The following ATP11A variants were observed in gnomAD, a reference collection of about 807,000 sequenced individuals.
ATP11A encodes the protein ATPase phospholipid transporting 11A, also known as phospholipid-transporting ATPase IH.
Under a neutral mutation model 154.4 loss-of-function variants are expected in ATP11A, and 81 were observed. That is an observed-to-expected ratio of 0.52 (90% CI 0.44 to 0.63). The LOEUF (loss-of-function observed/expected upper bound fraction) is 0.63. ATP11A is among the 30% of genes least tolerant of loss of function. The pLI is 0.00. For missense variants in ATP11A, 1,316 were observed against 1,474.3 expected (o/e 0.89, Z 1.76); for synonymous variants, 623 against 585.9 (o/e 1.06, Z -0.91).
intron 1 of ATP11A, among the ~76,000 whole-genome samples, chr13:112,766,242 T>G (rs1391797005): frequency 4.1e-5 from 6 of 145,300 alleles, no homozygotes; most frequent in African/African-American, 1.6e-4. Context: ...TTTTGTTGTT[T>G]TTCTGTTTTC....
intron 16 of ATP11A, among the ~76,000 whole-genome samples, chr13:112,841,000 C>A (rs112874752): frequency 0.01 from 1,554 of 152,378 alleles, 31 homozygotes; most frequent in African/African-American, 0.034. Context: ...GGGCATGGAG[C>A]TTCCTACGCG....
rs1566579890 is a variant in ATP11A, at chr13:112,857,847, G to A, written c.2448G>A (p.Glu816=). 1 of 1,614,142 alleles carries A rather than the reference G, an allele frequency of 6.2e-7. No homozygotes were observed. Among genetic ancestry groups the A allele is most frequent in the Non-Finnish European group, 8.5e-7 (1 of 1,180,004 alleles). ...TTAAATTAATCAAATTTTCAAAAGA[G>A]CACCCAATCACGTTAGCAATTGGCG... ...QIVKLIKFSK[E]HPITLAIGDG... is the part of the protein sequence containing the mutation. The change falls in exon 21 of 30, where the codon GAG becomes GAA. Residue 816 remains glutamate (E), a synonymous_variant. Coordinates refer to ENST00000375645, the MANE Select transcript of ATP11A (RefSeq NM_015205.3).
chr13:112,734,356 G>T (rs936922142), intron 1 of ATP11A, among the ~76,000 whole-genome samples: 1 of 152,186 alleles, frequency 6.6e-6, no homozygotes, highest in African/African-American at 2.4e-5. Flanking sequence ...AGAAACCGTT[G>T]CAAGCACAAT....
At chr13:112,725,717 C>G (rs1335841682) in intron 1 of ATP11A, among the ~76,000 whole-genome samples, 1 of 152,274 alleles carries the variant, frequency 6.6e-6, no homozygotes, top group Non-Finnish European at 1.5e-5. Flanking sequence ...GTCCCCATCC[C>G]TGGAGTTCCT....
At chr13:112,744,487 G>A (rs1336359013) in intron 1 of ATP11A, among the ~76,000 whole-genome samples, 1 of 152,214 alleles carries the variant, frequency 6.6e-6, no homozygotes, top group Non-Finnish European at 1.5e-5. Context: ...GACATGGGGA[G>A]CCTAATCTTC....
chr13:112,736,196 C>T (rs989058608), intron 1 of ATP11A, among the ~76,000 whole-genome samples: 29 of 152,202 alleles, frequency 1.9e-4, no homozygotes, highest in African/African-American at 6.8e-4. Flanking sequence ...GAACTTGACC[C>T]TATCACTTAG....
chr13:112,772,646 C>G (rs2077253384), intron 1 of ATP11A, among the ~76,000 whole-genome samples: 1 of 152,186 alleles, frequency 6.6e-6, no homozygotes. Context: ...CAGCTCCCCT[C>G]CCGTCATGCC....
At chr13:112,797,300 A>AG (rs2078025775) in intron 2 of ATP11A, among the ~76,000 whole-genome samples, 1 of 151,166 alleles carries the variant, frequency 6.6e-6, no homozygotes, top group Non-Finnish European at 1.5e-5. Context: ...AAAAAAAAAA[A>AG]AAAAAGGTAA....
intron 1 of ATP11A, among the ~76,000 whole-genome samples, chr13:112,769,217 A>G (rs1228212838): frequency 2.0e-5 from 3 of 151,798 alleles, no homozygotes; most frequent in African/African-American, 7.3e-5. Flanking sequence ...CACTACTCAC[A>G]CCCCTGAGCG....
intron 25 of ATP11A, among the ~76,000 whole-genome samples, chr13:112,870,999 G>C (rs983536861): frequency 6.6e-6 from 1 of 152,206 alleles, no homozygotes; most frequent in Non-Finnish European, 1.5e-5. Context: ...ACGGCCACCT[G>C]GGCACCACTG....
intron 12 of ATP11A, among the ~76,000 whole-genome samples, chr13:112,830,978 ATTG>A (rs1371218489): frequency 2.6e-5 from 4 of 151,408 alleles, no homozygotes; most frequent in African/African-American, 2.4e-5. Flanking sequence ...TTGGTTTTTT[ATTG>A]TTGTTGTTAA....
In ATP11A at chr13:112,697,690, C is replaced by T. The variant is rs1333329913; in HGVS notation, c.39+7235C>T. On this transcript the variant is annotated intron_variant, in intron 1 of 29. Transcript: ENST00000375645. The surrounding 1 kb of genome is among the most constrained non-coding windows in gnomAD (Gnocchi z 4.0). ...GCAAGCAGTTCTCTTGCCTCAGACT[C>T]CTGAGTAGCTGGGATTTGTGCCACG... Among the ~76,000 whole-genome samples, 1 of 151,332 alleles carries T rather than the reference C, an allele frequency of 6.6e-6. No homozygotes were observed. Among genetic ancestry groups the T allele is most frequent in the Non-Finnish European group, 1.5e-5 (1 of 67,978 alleles).
At chr13:112,716,454 G>A (rs1171237533) in intron 1 of ATP11A, among the ~76,000 whole-genome samples, 1 of 152,050 alleles carries the variant, frequency 6.6e-6, no homozygotes, top group Non-Finnish European at 1.5e-5. Flanking sequence ...GGTGGCTCTG[G>A]GGGCCTGTGG....
intron 1 of ATP11A, among the ~76,000 whole-genome samples, chr13:112,750,634 G>C (rs915728787): frequency 6.6e-6 from 1 of 152,020 alleles, no homozygotes; most frequent in African/African-American, 2.4e-5. Context: ...GCTGAAGGAC[G>C]CGGGGTTGAA....
intron 1 of ATP11A, among the ~76,000 whole-genome samples, chr13:112,777,858 C>T (rs1002354903): frequency 1.2e-4 from 18 of 152,194 alleles, no homozygotes; most frequent in Admixed American, 5.2e-4. Context: ...CCTCCCCATG[C>T]GCTCCCCACA....
intron 1 of ATP11A, among the ~76,000 whole-genome samples, chr13:112,695,283 G>A (rs557534148): frequency 6.6e-6 from 1 of 152,350 alleles, no homozygotes; most frequent in South Asian, 2.1e-4. Context: ...GTCTCCAGCA[G>A]TGTGGTGGCA....
At chr13:112,795,385 A>G (rs986399937) in intron 2 of ATP11A, among the ~76,000 whole-genome samples, 5 of 152,262 alleles carry the variant, frequency 3.3e-5, no homozygotes, top group Non-Finnish European at 7.3e-5. Flanking sequence ...CTCGTGTAAC[A>G]TGGGAACTTT....
At position 112,879,836 on chromosome 13, in the gene ATP11A, C is replaced by T. The variant is rs376427392; in HGVS notation, c.*9+1533C>T. 5.9e-5 allele frequency among the ~76,000 whole-genome samples: 9 copies of T among 152,304 alleles called. No individual in the cohort carries two copies. In the East Asian group the frequency reaches 1.3e-3, roughly 23 times the overall value. On this transcript the variant is annotated intron_variant, in intron 29 of 29. Coordinates refer to ENST00000375645, the MANE Select transcript of ATP11A (RefSeq NM_015205.3). ...ATGGCTTTCTTTTAACCTGTTCCTA[C>T]GGAAAAGAAAAGCATCACAGGCCTC...
Position 112,831,532 on chromosome 13 carries a change from C to G in ATP11A, c.1379C>G (p.Pro460Arg), listed in dbSNP as rs762661627. 21 of 1,614,006 alleles carry G rather than the reference C, an allele frequency of 1.3e-5. No individual in the cohort carries two copies. Among genetic ancestry groups the G allele is most frequent in the Middle Eastern group, 1.6e-4 (1 of 6,084 alleles). Residue 460 changes from proline (P) to arginine (R), a missense_variant, in exon 13 of 30, where the codon CCC (proline) becomes CGC (arginine). This residue lies in a region of ATP11A where 876 missense variants were observed against 1,006.8 expected (regional missense o/e 0.87). Transcript: ENST00000375645. ...SSGIDMIDSS[P>R]SVNGREREEL... ...GGAATCGACATGATTGACTCGTCCC[C>G]CAGCGTCAACGGGAGGGTAGGTGGC...
Sources: gnomAD v4.1 joint callset for allele counts (sites outside exome capture counted in the v4.1 genomes callset) on GRCh38, gnomAD v4.1.1 for gene constraint, gnomAD v4.1.1 regional missense constraint, Gnocchi (gnomAD v3.1) non-coding constraint, MANE v1.5 for transcripts, NCBI Gene and HGNC (gene_info 2026-07-23, HGNC 2026-07-21) for gene names.